The following LMNTD1 variants were observed in gnomAD, a reference collection of about 807,000 sequenced individuals.
LMNTD1 encodes lamin tail domain-containing protein 1.
A neutral mutation model predicts 50.9 loss-of-function variants in LMNTD1; 35 were observed. The observed-to-expected ratio is 0.69, with a 90% CI of 0.53 to 0.91. The LOEUF (loss-of-function observed/expected upper bound fraction) is 0.91, where lower values mean the gene tolerates loss of function less well. Among genes scored for constraint, LMNTD1 ranks in the 40% least tolerant of loss-of-function variants. LMNTD1 has a pLI of 0.00. For synonymous variants in LMNTD1, 153 were observed against 161.9 expected, an observed-to-expected ratio of 0.94 and a Z score of 0.42; for missense variants, 470 against 475.5, an observed-to-expected ratio of 0.99 and a Z score of 0.11.
intron 8 of LMNTD1, among the ~76,000 whole-genome samples, chr12:25,506,017 C>G: frequency 6.6e-6 from 1 of 152,012 alleles, no homozygotes; most frequent in Middle Eastern, 3.2e-3. Flanking sequence ...AGGAAAAACT[C>G]AAAAATCTCA....
chr12:25,567,492 G>T (rs278989), intron 1 of LMNTD1, among the ~76,000 whole-genome samples: 7,550 of 152,108 alleles, frequency 0.05, 589 homozygotes, highest in African/African-American at 0.16. Context: ...ATGTGATATG[G>T]CTTGGATATT....
At chr12:25,486,537 C>A (rs888084484) in intron 9 of LMNTD1, among the ~76,000 whole-genome samples, 19 of 138,510 alleles carry the variant, frequency 1.4e-4, no homozygotes, top group Admixed American at 9.1e-4. Context: ...ACTTCCAATA[C>A]CATGTTGAAT....
intron 3 of LMNTD1, 25 bp downstream of exon 3, chr12:25,549,301 A>T: frequency 7.4e-7 from 1 of 1,343,900 alleles, no homozygotes; most frequent in Non-Finnish European, 1.1e-6. Context: ...GTACTCTAAA[A>T]ATATGGGTTC....
chr12:25,503,656 G>T lies in LMNTD1; in HGVS notation c.*22+82C>A. 10 of 759,856 alleles carry T rather than the reference G, an allele frequency of 1.3e-5. No homozygotes were observed. The South Asian group carries it at 1.4e-4, about 11-fold the overall frequency. The allele number at this position is 759,856 out of a possible 1,614,324, so 47.1% of individuals were successfully genotyped here. ...ATATAAGGACAACCCATGTTCTGAT[G>T]ACTTTCAAAGACATTTCTGCCCATT... On this transcript the variant is annotated intron_variant, in intron 9 of 9. Transcript: ENST00000458174.
chr12:25,496,537 G>T (rs1000187137), intron 9 of LMNTD1, among the ~76,000 whole-genome samples: 3 of 152,110 alleles, frequency 2.0e-5, no homozygotes, highest in African/African-American at 4.8e-5. Flanking sequence ...GCTCCGGAGT[G>T]TCCAAAAATG....
At chr12:25,568,384 G>T (rs982335341) in intron 1 of LMNTD1, among the ~76,000 whole-genome samples, 10 of 152,232 alleles carry the variant, frequency 6.6e-5, no homozygotes, top group African/African-American at 2.2e-4. Flanking sequence ...AAGAAGCACA[G>T]CCTAGAAGTT....
In LMNTD1 at chr12:25,503,738, C is replaced by T; in HGVS notation, c.*22G>A. ...GCAAATTTGCAATACAGTTACTTAC[C>T]TTTAAAGGTTGAGTTGACTGCTTAT... On this transcript the variant is annotated splice_region_variant and 3_prime_UTR_variant, in exon 9 of 10. Coordinates refer to ENST00000458174, the MANE Select transcript of LMNTD1 (RefSeq NM_001145728.2). 2 of 1,542,202 alleles carry T rather than the reference C, an allele frequency of 1.3e-6. No individual in the cohort carries two copies. The highest frequency in any genetic ancestry group is 1.8e-6 in the Non-Finnish European group (2 of 1,123,390).
Position 25,519,845 on chromosome 12 carries a change from A to G in LMNTD1, c.1016+13T>C. The stretch of plus-strand genomic sequence containing the variant: ...AAGGACCCATTAAAACAAACAAACC[A>G]AACAACCCTTACCTCTTAAGAAGAA... On this transcript the variant is annotated intron_variant, in intron 7 of 9. Coordinates refer to ENST00000458174, the MANE Select transcript of LMNTD1 (RefSeq NM_001145728.2). 1.3e-6 allele frequency: 2 copies of G among 1,592,812 alleles called. No individual in the cohort carries two copies. Among genetic ancestry groups the G allele is most frequent in the Non-Finnish European group, 1.7e-6 (2 of 1,163,746 alleles).
At chr12:25,648,387 G>T in intron 1 of LMNTD1, 1 of 866,078 alleles carries the variant, frequency 1.2e-6, no homozygotes, top group South Asian at 1.5e-5. Context: ...TCTCAGTGAT[G>T]ACAGATATGA....
At chr12:25,636,326 C>G (rs1946833618) in intron 1 of LMNTD1, among the ~76,000 whole-genome samples, 1 of 151,992 alleles carries the variant, frequency 6.6e-6, no homozygotes, top group African/African-American at 2.4e-5. Context: ...GGGCTAAGGT[C>G]ATGAATAGAC....
chr12:25,483,106 A>T (rs1938496687), intron 9 of LMNTD1, among the ~76,000 whole-genome samples: 1 of 151,974 alleles, frequency 6.6e-6, no homozygotes, highest in South Asian at 2.1e-4. Context: ...AAGGACAAAG[A>T]GCAGAGACTA....
At chr12:25,486,759 T>A (rs911970758) in intron 9 of LMNTD1, among the ~76,000 whole-genome samples, 13 of 150,128 alleles carry the variant, frequency 8.7e-5, no homozygotes, top group Non-Finnish European at 1.6e-4. Context: ...TCTATTGAGA[T>A]AATCATGTGG....
At chr12:25,573,064 C>G (rs1555113422) in intron 1 of LMNTD1, among the ~76,000 whole-genome samples, 2 of 152,008 alleles carry the variant, frequency 1.3e-5, no homozygotes. Flanking sequence ...CTATATCGCT[C>G]TTTCTTGTTT....
upstream of LMNTD1, among the ~76,000 whole-genome samples, chr12:25,555,644 T>C (rs1944008578): frequency 6.6e-6 from 1 of 152,186 alleles, no homozygotes; most frequent in South Asian, 2.1e-4. Context: ...AAAACATTTA[T>C]AGATAAAATG....
intron 4 of LMNTD1, among the ~76,000 whole-genome samples, chr12:25,544,222 G>A (rs571757678): frequency 3.6e-4 from 55 of 151,812 alleles, no homozygotes; most frequent in African/African-American, 1.2e-3. Flanking sequence ...AAATCTATTC[G>A]TTTGCTTTAT....
chr12:25,537,067 G>T (rs540896804), intron 4 of LMNTD1, among the ~76,000 whole-genome samples: 2 of 152,116 alleles, frequency 1.3e-5, no homozygotes, highest in Admixed American at 6.5e-5. Flanking sequence ...CACCTGGCTC[G>T]GAGGGTCCTA....
chr12:25,543,710 T>C (rs560747064), intron 4 of LMNTD1, among the ~76,000 whole-genome samples: 2 of 152,016 alleles, frequency 1.3e-5, no homozygotes, highest in South Asian at 4.1e-4. Context: ...TCTTTCTTGA[T>C]ATAGGTATTT....
At chr12:25,594,413 C>A (rs538244334) in intron 1 of LMNTD1, among the ~76,000 whole-genome samples, 21 of 152,192 alleles carry the variant, frequency 1.4e-4, no homozygotes, top group Non-Finnish European at 1.8e-4. Context: ...TATCTTCAGC[C>A]TCCTCAAACA....
intron 4 of LMNTD1, among the ~76,000 whole-genome samples, chr12:25,539,018 A>C (rs1942846459): frequency 6.6e-6 from 1 of 151,554 alleles, no homozygotes; most frequent in African/African-American, 2.4e-5. Context: ...CAACAAGAAG[A>C]GCTAACTATC....
Sources: allele counts gnomAD v4.1 joint callset (sites outside exome capture counted in the v4.1 genomes callset), GRCh38; gene constraint gnomAD v4.1.1; transcripts MANE v1.5; gene names NCBI Gene and HGNC (gene_info 2026-07-23, HGNC 2026-07-21).